The following SPEGNB variants were observed in gnomAD, a reference collection of about 807,000 sequenced individuals.
SPEGNB encodes the protein SPEG neighbor protein.
A neutral mutation model predicts 18.3 loss-of-function variants in SPEGNB; 12 were observed. That is an observed-to-expected ratio of 0.65 (90% CI 0.42 to 1.06). The LOEUF (loss-of-function observed/expected upper bound fraction) is 1.06, where lower values mean the gene tolerates loss of function less well. SPEGNB is among the 50% of genes least tolerant of loss of function. The pLI is 0.00. For synonymous variants in SPEGNB, 113 were observed against 138.8 expected (o/e 0.81, Z 1.31); for missense variants, 273 against 329.3 (o/e 0.83, Z 1.32).
Position 219,496,879 on chromosome 2 carries a change from G to A in SPEGNB, c.199G>A (p.Glu67Lys), listed in dbSNP as rs1443627315. 3.9e-6 allele frequency: 5 copies of A among 1,292,076 alleles called. No individual in the cohort carries two copies. Among genetic ancestry groups the A allele is most frequent in the Non-Finnish European group, 4.1e-6 (4 of 980,188 alleles). The allele number at this position is 1,292,076 out of a possible 1,614,324, so 80.0% of individuals were successfully genotyped here. ...GCCGCTGAAGGACGTGGTGCTGATC[G>A]AAGGCAGCGCGGCCAAGCTCACTTG... ...LEPLKDVVLI[E>K]GSAAKLTCRI... Residue 67 changes from glutamate (E) to lysine (K), a missense_variant, in exon 3 of 5, where the codon GAA (glutamate) becomes AAA (lysine). Glu to Lys is a moderately conservative substitution (Grantham distance 56). Coordinates refer to ENST00000651166, the MANE Select transcript of SPEGNB (RefSeq NM_001286811.2).
chr2:219,496,216 C>T lies in SPEGNB; in HGVS notation c.-2C>T, dbSNP rs1221931991. ...TCAAGTCCCTAGGTCAACCCCTCCA[C>T]GGTGAGTCTGATCCTCAGAGAAGCC... On this transcript the variant is annotated splice_region_variant and 5_prime_UTR_variant, in exon 1 of 5. The change creates a new upstream start codon in the 5' untranslated region. Transcript: ENST00000651166. The T allele has an allele frequency of 5.0e-6, 4 of 798,344 alleles. No homozygotes were observed. The highest frequency in any genetic ancestry group is 3.6e-5 in the African/African-American group (2 of 54,978). 49.5% of individuals were successfully genotyped at this position (798,344 alleles called of 1,614,324 possible).
In SPEGNB at chr2:219,497,076, C is replaced by T. The variant is rs1170603976; in HGVS notation, c.396C>T (p.Pro132=). ...LGQYSINVTN[P]FGQCSDSARI... ...AGTACAGCATCAACGTCACCAACCC[C>T]TTCGGCCAGTGCTCCGACTCGGCGC... Residue 132 remains proline (P), a synonymous_variant, in exon 3 of 5, where the codon CCC becomes CCT. Coordinates refer to ENST00000651166, the MANE Select transcript of SPEGNB (RefSeq NM_001286811.2). The T allele has an allele frequency of 8.1e-7, 1 of 1,235,792 alleles. No homozygotes were observed. The highest frequency in any genetic ancestry group is 1.4e-5 in the South Asian group (1 of 72,638). 76.6% of individuals were successfully genotyped at this position (1,235,792 alleles called of 1,614,324 possible). A position where few individuals can be genotyped will look rare whatever the true frequency, so the allele number is the denominator to read the frequency against.
At position 219,496,788 on chromosome 2, in the gene SPEGNB, C is replaced by G. The variant is rs900125552; in HGVS notation, c.129-21C>G. ...CGGGCCTGTCTTAGGAACTCTGGGCCCTGACTCGGCCCGCGGGTAGGTCCC... is the reference window on the plus strand; with the variant it reads ...CGGGCCTGTCTTAGGAACTCTGGGCGCTGACTCGGCCCGCGGGTAGGTCCC... On this transcript the variant is annotated intron_variant, in intron 2 of 4. Coordinates refer to ENST00000651166, the MANE Select transcript of SPEGNB (RefSeq NM_001286811.2). 4 of 1,225,210 alleles carry G rather than the reference C, an allele frequency of 3.3e-6. No individual in the cohort carries two copies. The Admixed American group carries it at 1.1e-4, about 33-fold the overall frequency. 75.9% of individuals were successfully genotyped at this position (1,225,210 alleles called of 1,614,324 possible). A position where few individuals can be genotyped will look rare whatever the true frequency, so the allele number is the denominator to read the frequency against.
chr2:219,497,679 C>T, intron 3 of SPEGNB, 41 bp from the exon 4 acceptor site: 1 of 1,294,932 alleles, frequency 7.7e-7, no homozygotes, highest in Non-Finnish European at 1.0e-6. Flanking sequence ...GCCTCATCTC[C>T]GGGTCCTTCA....
At position 219,496,901 on chromosome 2, in the gene SPEGNB, C is replaced by A; in HGVS notation, c.221C>A (p.Thr74Asn). The change falls in exon 3 of 5, where the codon ACT becomes AAT. Residue 74 changes from threonine to asparagine, a missense_variant. By Grantham distance (65) the Thr-to-Asn change is moderately conservative. Coordinates refer to ENST00000651166, the MANE Select transcript of SPEGNB (RefSeq NM_001286811.2). ...ATCGAAGGCAGCGCGGCCAAGCTCACTTGCCGCATTTCGGCTTTCCCGGAC... is the reference window on the plus strand; with the variant it reads ...ATCGAAGGCAGCGCGGCCAAGCTCAATTGCCGCATTTCGGCTTTCCCGGAC... Reference protein sequence around the residue: ...VLIEGSAAKLTCRISAFPDPF... With the variant: ...VLIEGSAAKLNCRISAFPDPF... 1 of 1,298,826 alleles carries A rather than the reference C, an allele frequency of 7.7e-7. No individual in the cohort carries two copies. Among genetic ancestry groups the A allele is most frequent in the Non-Finnish European group, 1.0e-6 (1 of 984,740 alleles). 80.5% of individuals were successfully genotyped at this position (1,298,826 alleles called of 1,614,324 possible).
At position 219,496,378 on chromosome 2, in the gene SPEGNB, A is replaced by C; in HGVS notation, c.24A>C (p.Lys8Asn). Residue 8 changes from lysine to asparagine, a missense_variant, in exon 2 of 5, where the codon AAA (lysine) becomes AAC (asparagine). Lys to Asn is a moderately conservative substitution (Grantham distance 94). Transcript: ENST00000651166. MSKAAPA[K>N]KPVAVAPAPG... Reference sequence around the variant, plus strand: ...AGATGTCTAAAGCAGCTCCTGCCAAAAAGCCAGTGGCTGTGGCCCCAGCTC... The same window carrying C: ...AGATGTCTAAAGCAGCTCCTGCCAACAAGCCAGTGGCTGTGGCCCCAGCTC... The C allele has an allele frequency of 7.8e-7, 1 of 1,279,968 alleles. No homozygotes were observed. The highest frequency in any genetic ancestry group is 1.0e-6 in the Non-Finnish European group (1 of 971,426). The allele number at this position is 1,279,968 out of a possible 1,614,324, so 79.3% of individuals were successfully genotyped here. A position where few individuals can be genotyped will look rare whatever the true frequency, so the allele number is the denominator to read the frequency against.
intron 3 of SPEGNB, chr2:219,497,484 G>A: frequency 2.4e-6 from 1 of 412,352 alleles, no homozygotes; most frequent in Non-Finnish European, 4.1e-6. Flanking sequence ...AACATTCAGG[G>A]GCTTTCGCCC....
At position 219,496,935 on chromosome 2, in the gene SPEGNB, C is replaced by A; in HGVS notation, c.255C>A (p.Ile85=). ...CRISAFPDPF[I]RWSKDGKELR... ...TTTCGGCTTTCCCGGACCCATTCATCCGCTGGAGTAAGGACGGCAAGGAGC... is the reference window on the plus strand; with the variant it reads ...TTTCGGCTTTCCCGGACCCATTCATACGCTGGAGTAAGGACGGCAAGGAGC... Residue 85 remains isoleucine (I), a synonymous_variant, in exon 3 of 5, where the codon ATC becomes ATA. Coordinates refer to ENST00000651166, the MANE Select transcript of SPEGNB (RefSeq NM_001286811.2). The A allele has an allele frequency of 1.5e-6, 2 of 1,303,078 alleles. No individual in the cohort carries two copies. The highest frequency in any genetic ancestry group is 2.0e-6 in the Non-Finnish European group (2 of 987,696). The allele number at this position is 1,303,078 out of a possible 1,614,324, so 80.7% of individuals were successfully genotyped here.
chr2:219,497,915 G>T, intron 4 of SPEGNB, 54 bp downstream of exon 4: 1 of 1,294,386 alleles, frequency 7.7e-7, no homozygotes, highest in South Asian at 1.2e-5. Context: ...ACCTGGGTGG[G>T]ACTGAGCCCA....
chr2:219,496,652 T>C (rs971278545), intron 2 of SPEGNB, among the ~76,000 whole-genome samples, 157 bp from the exon 3 acceptor site: 3 of 152,102 alleles, frequency 2.0e-5, no homozygotes, highest in Non-Finnish European at 2.9e-5. Flanking sequence ...CATCATCCTA[T>C]CAGGGCAGCA....
rs751669816 is a variant in SPEGNB, at chr2:219,497,700, C to G, written c.437-20C>G. 1.5e-5 allele frequency: 20 copies of G among 1,300,338 alleles called. No homozygotes were observed. The highest frequency in any genetic ancestry group is 2.0e-5 in the Non-Finnish European group (20 of 985,796). 80.6% of individuals were successfully genotyped at this position (1,300,338 alleles called of 1,614,324 possible). ...TCTCCGGGTCCTTCACGGGGTTTCG[C>G]TCCCCTTTCCTTCCGCTAGTCCCGA... is the stretch of plus-strand genomic sequence containing the variant. On this transcript the variant is annotated intron_variant, in intron 3 of 4. Coordinates refer to ENST00000651166, the MANE Select transcript of SPEGNB (RefSeq NM_001286811.2).
chr2:219,497,239 T>G, intron 3 of SPEGNB, 123 bp downstream of exon 3: 2 of 765,716 alleles, frequency 2.6e-6, no homozygotes, highest in Non-Finnish European at 3.4e-6. Flanking sequence ...CCAGCCCAGC[T>G]CTGGGCACGG....
chr2:219,498,181 G>C lies in SPEGNB; in HGVS notation c.709G>C (p.Val237Leu). 7.7e-7 allele frequency: 1 copy of C among 1,303,504 alleles called. No individual in the cohort carries two copies. The highest frequency in any genetic ancestry group is 1.0e-6 in the Non-Finnish European group (1 of 988,554). The allele number at this position is 1,303,504 out of a possible 1,614,324, so 80.7% of individuals were successfully genotyped here. The change falls in exon 5 of 5, where the codon GTG (valine) becomes CTG (leucine). Residue 237 changes from valine to leucine, a missense_variant. Transcript: ENST00000651166. ...GGACCAGAGCTTCGCTCGCGTCGAC[G>C]TGGCCTGAACGGCACCCCCGGACCT... ...GMDQSFARVD[V>L]A
At chr2:219,496,622 G>A (rs2385540) in intron 2 of SPEGNB, 140 bp downstream of exon 2, 992,378 of 1,004,256 alleles carry the variant, frequency 0.99, 491,259 homozygotes, top group East Asian at 1. Context: ...TGAGGTATGG[G>A]GGAGTGGCCG....
chr2:219,497,845 A>T lies in SPEGNB; in HGVS notation c.562A>T (p.Ile188Phe). 1 of 1,304,150 alleles carries T rather than the reference A, an allele frequency of 7.7e-7. No individual in the cohort carries two copies. The highest frequency in any genetic ancestry group is 1.2e-5 in the South Asian group (1 of 81,016). The allele number at this position is 1,304,150 out of a possible 1,614,324, so 80.8% of individuals were successfully genotyped here. ...DVGWTKDGED[I>F]EEDDRVFFEI... Reference sequence around the variant, plus strand: ...AGGCTGGACCAAGGACGGGGAGGACATCGAGGAGGATGACAGGCGAGGGCC... The same window carrying T: ...AGGCTGGACCAAGGACGGGGAGGACTTCGAGGAGGATGACAGGCGAGGGCC... Residue 188 changes from isoleucine (I) to phenylalanine (F), a missense_variant, in exon 4 of 5, where the codon ATC becomes TTC. Transcript: ENST00000651166.
chr2:219,496,827 C>A lies in SPEGNB; in HGVS notation c.147C>A (p.Arg49=). The A allele has an allele frequency of 8.0e-7, 1 of 1,248,318 alleles. No individual in the cohort carries two copies. The highest frequency in any genetic ancestry group is 1.0e-6 in the Non-Finnish European group (1 of 954,442). 77.3% of individuals were successfully genotyped at this position (1,248,318 alleles called of 1,614,324 possible). The change falls in exon 3 of 5, where the codon CGC becomes CGA. Residue 49 remains arginine (R), a synonymous_variant. Coordinates refer to ENST00000651166, the MANE Select transcript of SPEGNB (RefSeq NM_001286811.2). ...CGGGTAGGTCCCGGAAGGAGCTGCGCGAGAAGGGGCCGCCGCGGGTGCTGG... is the reference window on the plus strand; with the variant it reads ...CGGGTAGGTCCCGGAAGGAGCTGCGAGAGAAGGGGCCGCCGCGGGTGCTGG... ...YRGHRSRKEL[R]EKGPPRVLEP...
Position 219,498,075 on chromosome 2 carries a change from C to A in SPEGNB, c.603C>A (p.Thr201=). 7.7e-6 allele frequency: 10 copies of A among 1,303,580 alleles called. No individual in the cohort carries two copies. Among genetic ancestry groups the A allele is most frequent in the Non-Finnish European group, 1.0e-5 (10 of 988,590 alleles). 80.8% of individuals were successfully genotyped at this position (1,303,580 alleles called of 1,614,324 possible). A position where few individuals can be genotyped will look rare whatever the true frequency, so the allele number is the denominator to read the frequency against. ...GGGTGTTCTTCGAGATCGGCAGCACCACCACGACGCTGACCATTCGCCGGG... is the reference window on the plus strand; with the variant it reads ...GGGTGTTCTTCGAGATCGGCAGCACAACCACGACGCTGACCATTCGCCGGG... ...DDRVFFEIGS[T]TTTLTIRRAT... is the part of the protein sequence containing the mutation. The change falls in exon 5 of 5, where the codon ACC becomes ACA. Residue 201 remains threonine, a synonymous_variant. Coordinates refer to ENST00000651166, the MANE Select transcript of SPEGNB (RefSeq NM_001286811.2).
rs1358574400 is a variant in SPEGNB at position 219,497,124 on chromosome 2, C to T, written c.436+8C>T. ...CGCGCATCCTCGTGGAAGGTACGCG[C>T]GCCCCGGGCGCAGCGCCAGGGCGCA... On this transcript the variant is annotated splice_region_variant and intron_variant, in intron 3 of 4. Coordinates refer to ENST00000651166, the MANE Select transcript of SPEGNB (RefSeq NM_001286811.2). The T allele has an allele frequency of 2.5e-6, 3 of 1,191,344 alleles. No homozygotes were observed. Among genetic ancestry groups the T allele is most frequent in the Non-Finnish European group, 3.2e-6 (3 of 931,156 alleles). The allele number at this position is 1,191,344 out of a possible 1,614,324, so 73.8% of individuals were successfully genotyped here. A position where few individuals can be genotyped will look rare whatever the true frequency, so the allele number is the denominator to read the frequency against.
Position 219,497,811 on chromosome 2 carries a change from G to C in SPEGNB, c.528G>C (p.Ala176=). ...CTGCGGAGATCCTGGGAGAGCCTGC[G>C]CCCGACGTAGGCTGGACCAAGGACG... The part of the protein sequence containing the change: ...TLTAEILGEP[A]PDVGWTKDGE... Residue 176 remains alanine (A), a synonymous_variant, in exon 4 of 5, where the codon GCG becomes GCC. Coordinates refer to ENST00000651166, the MANE Select transcript of SPEGNB (RefSeq NM_001286811.2). 7.7e-7 allele frequency: 1 copy of C among 1,304,312 alleles called. No homozygotes were observed. The highest frequency in any genetic ancestry group is 1.0e-6 in the Non-Finnish European group (1 of 988,964). The allele number at this position is 1,304,312 out of a possible 1,614,324, so 80.8% of individuals were successfully genotyped here.
Sources: gnomAD v4.1 joint callset for allele counts (sites outside exome capture counted in the v4.1 genomes callset) on GRCh38, gnomAD v4.1.1 for gene constraint, MANE v1.5 for transcripts, NCBI Gene and HGNC (gene_info 2026-07-23, HGNC 2026-07-21) for gene names.